Variants in ARHGEF26 observed in about 807,000 individuals in gnomAD.
The protein encoded by ARHGEF26 is Rho guanine nucleotide exchange factor (GEF) 26.
A neutral mutation model predicts 89.4 loss-of-function variants in ARHGEF26; 59 were observed. The observed-to-expected ratio is 0.66, with a 90% CI of 0.54 to 0.82. The LOEUF is 0.82. ARHGEF26 is among the 40% of genes least tolerant of loss of function. ARHGEF26 has a pLI of 0.00. For missense variants in ARHGEF26, 1,234 were observed against 1,085.6 expected, an observed-to-expected ratio of 1.14 and a Z score of -1.92; for synonymous variants, 500 against 428.4, an observed-to-expected ratio of 1.17 and a Z score of -2.06.
intron 12 of ARHGEF26, 33 bp downstream of exon 12, chr3:154,240,612 T>C (rs1448477321): frequency 1.3e-6 from 2 of 1,548,974 alleles, no homozygotes; most frequent in Admixed American, 1.9e-5. Context: ...TTGGAATAGC[T>C]GATAGTATCT....
chr3:154,255,386 A>G lies in ARHGEF26; in HGVS notation c.2529A>G (p.Glu843=), dbSNP rs1185082815. The change falls in exon 15 of 15, where the codon GAA becomes GAG. Residue 843 remains glutamate, a synonymous_variant. Coordinates refer to ENST00000465093, the MANE Select transcript of ARHGEF26 (RefSeq NM_015595.4). ...RDGERGWFPM[E]CAKEITCQAT... ...GAGAAAGAGGCTGGTTTCCTATGGAATGTGCCAAGGAGATAACATGTCAAG... is the reference window on the plus strand; with the variant it reads ...GAGAAAGAGGCTGGTTTCCTATGGAGTGTGCCAAGGAGATAACATGTCAAG... 2 of 1,613,742 alleles carry G rather than the reference A, an allele frequency of 1.2e-6. No individual in the cohort carries two copies. Among genetic ancestry groups the G allele is most frequent in the Non-Finnish European group, 8.5e-7 (1 of 1,179,850 alleles).
chr3:154,211,346 T>C (rs1177352056), intron 9 of ARHGEF26, among the ~76,000 whole-genome samples: 3 of 152,146 alleles, frequency 2.0e-5, no homozygotes, highest in Admixed American at 6.5e-5. Flanking sequence ...CCCTTCTGAC[T>C]AGGGCTGATT....
intron 6 of ARHGEF26, among the ~76,000 whole-genome samples, chr3:154,154,342 G>A (rs1238647873): frequency 2.6e-5 from 4 of 151,860 alleles, no homozygotes; most frequent in South Asian, 2.1e-4. Flanking sequence ...GAGTACCAGC[G>A]TGCTCATTGC....
intron 9 of ARHGEF26, among the ~76,000 whole-genome samples, chr3:154,202,460 G>A (rs1269083241): frequency 6.6e-6 from 1 of 152,024 alleles, no homozygotes; most frequent in African/African-American, 2.4e-5. Flanking sequence ...TGTTCTTTTG[G>A]CTTAGGATTG....
At chr3:154,186,758 T>G (rs938640645) in intron 6 of ARHGEF26, among the ~76,000 whole-genome samples, 1 of 151,814 alleles carries the variant, frequency 6.6e-6, no homozygotes, top group African/African-American at 2.4e-5. Flanking sequence ...TGAGGCCCTT[T>G]CTCAGAAGAA....
chr3:154,249,558 A>G (rs1402516476), intron 12 of ARHGEF26, among the ~76,000 whole-genome samples: 3 of 152,188 alleles, frequency 2.0e-5, no homozygotes, highest in African/African-American at 7.2e-5. Flanking sequence ...CCATTTCAGC[A>G]CACTGCATGC....
chr3:154,208,420 CT>C (rs1184151451), intron 9 of ARHGEF26, among the ~76,000 whole-genome samples: 2 of 152,016 alleles, frequency 1.3e-5, no homozygotes, highest in African/African-American at 2.4e-5. Flanking sequence ...TTGAGGTAGT[CT>C]TTTTTGGGTT....
chr3:154,184,566 C>T (rs1472581152), intron 6 of ARHGEF26, among the ~76,000 whole-genome samples: 1 of 152,156 alleles, frequency 6.6e-6, no homozygotes, highest in Non-Finnish European at 1.5e-5. Context: ...AAACCTTGAC[C>T]AGAAATCTCA....
At chr3:154,142,730 A>G (rs1719456619) in intron 4 of ARHGEF26, among the ~76,000 whole-genome samples, 1 of 152,188 alleles carries the variant, frequency 6.6e-6, no homozygotes, top group South Asian at 2.1e-4. Context: ...CAAGAGAGGA[A>G]CATCAGACCT....
chr3:154,228,551 T>A (rs1431614177), intron 11 of ARHGEF26, among the ~76,000 whole-genome samples: 3 of 149,586 alleles, frequency 2.0e-5, no homozygotes, highest in East Asian at 3.9e-4. Flanking sequence ...AAAACTAGAA[T>A]TTTTTTTTTG....
At chr3:154,121,845 CG>C in intron 1 of ARHGEF26, 96 bp from the exon 2 acceptor site, 2 of 1,124,646 alleles carry the variant, frequency 1.8e-6, no homozygotes, top group Non-Finnish European at 2.5e-6. Context: ...TCGTGTCCTG[CG>C]CAGCAGCAGG....
At chr3:154,233,243 A>G (rs1716920809) in intron 11 of ARHGEF26, among the ~76,000 whole-genome samples, 2 of 152,206 alleles carry the variant, frequency 1.3e-5, no homozygotes, top group African/African-American at 4.8e-5. Context: ...TGTTAGTAGT[A>G]TAATTCTAAA....
At chr3:154,145,077 A>G (rs1167446886) in intron 4 of ARHGEF26, among the ~76,000 whole-genome samples, 1 of 152,140 alleles carries the variant, frequency 6.6e-6, no homozygotes, top group Non-Finnish European at 1.5e-5. Context: ...GGCAGCTCCT[A>G]GCTAGGAAAA....
At chr3:154,156,930 A>C (rs1256408548) in intron 6 of ARHGEF26, among the ~76,000 whole-genome samples, 3 of 152,288 alleles carry the variant, frequency 2.0e-5, no homozygotes, top group Admixed American at 2.0e-4. Context: ...TTATAGCTAT[A>C]GGTGATGACA....
intron 11 of ARHGEF26, among the ~76,000 whole-genome samples, chr3:154,231,828 G>A (rs1716843534): frequency 1.3e-5 from 2 of 151,560 alleles, no homozygotes; most frequent in Admixed American, 6.6e-5. Flanking sequence ...GCAAGTGAGT[G>A]AGGAAAAACT....
In ARHGEF26 at chr3:154,256,527, C is replaced by G. The variant is rs1718511906; in HGVS notation, c.*1054C>G. The G allele has an allele frequency of 4.2e-6, 4 of 961,834 alleles. No homozygotes were observed. Among genetic ancestry groups the G allele is most frequent in the South Asian group, 9.7e-5 (2 of 20,686 alleles). The allele number at this position is 961,834 out of a possible 1,614,324, so 59.6% of individuals were successfully genotyped here. A position where few individuals can be genotyped will look rare whatever the true frequency, so the allele number is the denominator to read the frequency against. ...GGATTATAGGCATGAGCCACCGTGC[C>G]CAGCCTACTTTCTAATTAATTAAAA... On this transcript the variant is annotated 3_prime_UTR_variant, in exon 15 of 15. Transcript: ENST00000465093.
intron 9 of ARHGEF26, among the ~76,000 whole-genome samples, chr3:154,195,175 C>T (rs940626415): frequency 1.3e-5 from 2 of 152,178 alleles, no homozygotes; most frequent in African/African-American, 4.8e-5. Context: ...GGTGTCTAAG[C>T]TGAGACCTAA....
intron 10 of ARHGEF26, among the ~76,000 whole-genome samples, chr3:154,223,352 G>A (rs1187824453): frequency 6.6e-6 from 1 of 151,990 alleles, no homozygotes; most frequent in East Asian, 1.9e-4. Context: ...TCCACTCCTA[G>A]GTATATACCC....
intron 6 of ARHGEF26, among the ~76,000 whole-genome samples, chr3:154,174,863 G>A (rs1272165587): frequency 2.6e-5 from 4 of 151,804 alleles, no homozygotes; most frequent in African/African-American, 9.7e-5. Context: ...ATTTGAGTTG[G>A]CTTGGCAAAG....
Sources: gnomAD v4.1 joint callset for allele counts (sites outside exome capture counted in the v4.1 genomes callset) on GRCh38, gnomAD v4.1.1 for gene constraint, MANE v1.5 for transcripts, NCBI Gene and HGNC (gene_info 2026-07-23, HGNC 2026-07-21) for gene names.